Variants in CYP2C8 observed in about 807,000 individuals in gnomAD.
CYP2C8 encodes cytochrome P450 family 2 subfamily C member 8, also known as cytochrome P450 2C8.
In CYP2C8, 51 loss-of-function variants were observed where a neutral mutation model predicts 41.3. That is an observed-to-expected ratio of 1.24 (90% CI 0.99 to 1.56). The LOEUF is 1.56. CYP2C8 is among the 40% of genes most tolerant of loss of function. The pLI is 0.00. For synonymous variants in CYP2C8, 218 were observed against 205.8 expected, an observed-to-expected ratio of 1.06 and a Z score of -0.51; for missense variants, 651 against 579.9, an observed-to-expected ratio of 1.12 and a Z score of -1.26.
At chr10:95,042,254 C>A (rs190821791) in intron 7 of CYP2C8, among the ~76,000 whole-genome samples, 10 of 151,976 alleles carry the variant, frequency 6.6e-5, no homozygotes, top group Admixed American at 6.5e-4. Flanking sequence ...TACATATTAA[C>A]CCAGATAGCA....
At chr10:95,054,918 A>G (rs1181654529) in intron 5 of CYP2C8, among the ~76,000 whole-genome samples, 2 of 152,154 alleles carry the variant, frequency 1.3e-5, no homozygotes, top group African/African-American at 4.8e-5. Flanking sequence ...ATGGCAAACC[A>G]TGTCATTTTA....
intron 7 of CYP2C8, among the ~76,000 whole-genome samples, chr10:95,040,381 A>G (rs546946481): frequency 2.0e-5 from 3 of 152,332 alleles, no homozygotes; most frequent in South Asian, 2.1e-4. Flanking sequence ...TAAGTTATCA[A>G]TTCTGTCTTC....
intron 6 of CYP2C8, among the ~76,000 whole-genome samples, chr10:95,044,206 C>G (rs1038273892): frequency 6.6e-6 from 1 of 152,226 alleles, no homozygotes; most frequent in South Asian, 2.1e-4. Context: ...GAGCACAACC[C>G]CCAGTATTGG....
At chr10:95,043,824 A>T (rs1048261734) in intron 6 of CYP2C8, among the ~76,000 whole-genome samples, 1 of 151,588 alleles carries the variant, frequency 6.6e-6, no homozygotes, top group Non-Finnish European at 1.5e-5. Flanking sequence ...TGGTTATATC[A>T]CTATTCATTG....
At position 95,037,274 on chromosome 10, in the gene CYP2C8, T is replaced by C; in HGVS notation, c.1327A>G (p.Met443Val). The part of the protein sequence containing the change: ...RICAGEGLAR[M>V]ELFLFLTTIL... ...GTGGTTAGAAATAAAAATAGCTCCA[T>C]GCGGGCAAGTCCTTCTCCTGCACAA... The change falls in exon 9 of 9, where the codon ATG (methionine) becomes GTG (valine). Residue 443 changes from methionine to valine, a missense_variant. Coordinates refer to ENST00000371270, the MANE Select transcript of CYP2C8 (RefSeq NM_000770.3). The C allele has an allele frequency of 6.2e-7, 1 of 1,613,712 alleles. No individual in the cohort carries two copies. The highest frequency in any genetic ancestry group is 8.5e-7 in the Non-Finnish European group (1 of 1,179,812).
intron 4 of CYP2C8, among the ~76,000 whole-genome samples, chr10:95,061,183 T>C (rs2033420488): frequency 6.6e-6 from 1 of 152,256 alleles, no homozygotes. Context: ...ATTCCCTCTT[T>C]TTCTATTGAT....
chr10:95,038,779 C>G, intron 8 of CYP2C8, 118 bp downstream of exon 8: 1 of 954,246 alleles, frequency 1.0e-6, no homozygotes, highest in East Asian at 2.5e-5. Flanking sequence ...GAGTGGTGCT[C>G]TTGATCATGG....
chr10:95,065,202 T>C (rs1324330041), intron 3 of CYP2C8, among the ~76,000 whole-genome samples: 7 of 152,200 alleles, frequency 4.6e-5, no homozygotes, highest in Non-Finnish European at 1.0e-4. Flanking sequence ...ACTGCCTTTA[T>C]TTAAACTCTT....
At chr10:95,047,371 G>T (rs11572150) in intron 5 of CYP2C8, among the ~76,000 whole-genome samples, 12,144 of 152,166 alleles carry the variant, frequency 0.08, 610 homozygotes, top group Middle Eastern at 0.16. Flanking sequence ...CATGAAAAGT[G>T]TTACACTCTT....
At chr10:95,046,315 G>T (rs1203632614) in intron 5 of CYP2C8, among the ~76,000 whole-genome samples, 2 of 152,182 alleles carry the variant, frequency 1.3e-5, no homozygotes, top group East Asian at 3.9e-4. Context: ...TATTTCTGAT[G>T]ATTCTGAAGG....
chr10:95,041,520 G>A (rs2032995110), intron 7 of CYP2C8, among the ~76,000 whole-genome samples: 1 of 152,150 alleles, frequency 6.6e-6, no homozygotes, highest in Non-Finnish European at 1.5e-5. Context: ...GGTGGCTCAC[G>A]CCTGTAGTCC....
At chr10:95,047,455 G>A (rs1219404661) in intron 5 of CYP2C8, among the ~76,000 whole-genome samples, 1 of 152,070 alleles carries the variant, frequency 6.6e-6, no homozygotes, top group Non-Finnish European at 1.5e-5. Flanking sequence ...TCATTACAAA[G>A]CTGAAATGTG....
intron 8 of CYP2C8, among the ~76,000 whole-genome samples, chr10:95,037,620 T>TA (rs1337091909): frequency 6.6e-6 from 1 of 152,234 alleles, no homozygotes; most frequent in Non-Finnish European, 1.5e-5. Flanking sequence ...ATTCCCACAT[T>TA]AAAACAGCTC....
intron 4 of CYP2C8, among the ~76,000 whole-genome samples, chr10:95,064,213 C>A (rs1422547773): frequency 6.6e-6 from 1 of 152,190 alleles, no homozygotes; most frequent in Non-Finnish European, 1.5e-5. Context: ...TTCAGCTATG[C>A]CCTGCCCCGA....
chr10:95,049,824 G>A (rs1253277442), intron 5 of CYP2C8, among the ~76,000 whole-genome samples: 1 of 151,912 alleles, frequency 6.6e-6, no homozygotes, highest in Admixed American at 6.6e-5. Flanking sequence ...AAGCTGCACA[G>A]TTTTCACTTC....
At position 95,037,151 on chromosome 10, in the gene CYP2C8, G is replaced by A. The variant is rs764390443; in HGVS notation, c.1450C>T (p.Gln484Ter). Residue 484 changes from glutamine (Q) to a stop codon, truncating the protein, a stop_gained, in exon 9 of 9, where the codon CAG becomes TAG. Coordinates refer to ENST00000371270, the MANE Select transcript of CYP2C8 (RefSeq NM_000770.3). LOFTEE classifies it high-confidence loss of function. ...CTTCAGACAGGGATGAAGCAGATCT[G>A]GTATGAGGGTGGCAGAGAAACAATC... Reference protein sequence around the residue: ...KGIVSLPPSYQICFIPV With the variant: ...KGIVSLPPSY The A allele has an allele frequency of 6.2e-7, 1 of 1,613,922 alleles. No homozygotes were observed. The highest frequency in any genetic ancestry group is 8.5e-7 in the Non-Finnish European group (1 of 1,179,846).
At chr10:95,039,383 A>T (rs2032952298) in intron 7 of CYP2C8, 1 of 304,780 alleles carries the variant, frequency 3.3e-6, no homozygotes, top group Non-Finnish European at 6.3e-6. Context: ...TATGGTTTAA[A>T]ATGGAAGTCT....
chr10:95,066,122 G>GAGAGAC (rs1554877513), intron 3 of CYP2C8, among the ~76,000 whole-genome samples: 1 of 89,442 alleles, frequency 1.1e-5, no homozygotes, highest in Non-Finnish European at 2.1e-5. Flanking sequence ...GCCTTGGTGA[G>GAGAGAC]AGAGAGAGAG....
chr10:95,065,014 T>G, intron 3 of CYP2C8, 54 bp from the exon 4 acceptor site: 1 of 1,330,102 alleles, frequency 7.5e-7, no homozygotes, highest in South Asian at 2.1e-5. Context: ...ATTTAAAAGA[T>G]TTGCATTTGT....
Sources: allele counts gnomAD v4.1 joint callset (sites outside exome capture counted in the v4.1 genomes callset), GRCh38; gene constraint gnomAD v4.1.1; transcripts MANE v1.5; gene names NCBI Gene and HGNC (gene_info 2026-07-23, HGNC 2026-07-21).